The following KIAA1328 variants were observed in gnomAD, a reference collection of about 807,000 sequenced individuals.
KIAA1328 encodes the protein protein hinderin.
In KIAA1328, 52 loss-of-function variants were observed where a neutral mutation model predicts 68.1. The observed-to-expected ratio is 0.76, with a 90% CI of 0.61 to 0.96. The LOEUF (loss-of-function observed/expected upper bound fraction) is 0.96, where lower values mean the gene tolerates loss of function less well. Among genes scored for constraint, KIAA1328 ranks in the 40% least tolerant of loss-of-function variants. KIAA1328 has a pLI of 0.00. For missense variants in KIAA1328, 641 were observed against 677.6 expected (o/e 0.95, Z 0.60); for synonymous variants, 232 against 239.4 (o/e 0.97, Z 0.28).
intron 6 of KIAA1328, chr18:37,063,642 C>T (rs1181314765): frequency 1.0e-6 from 1 of 985,182 alleles, no homozygotes; most frequent in Non-Finnish European, 1.2e-6. Flanking sequence ...AGGTAATTGA[C>T]AGAGCATTGC....
chr18:37,070,693 C>T (rs954559336), intron 7 of KIAA1328, among the ~76,000 whole-genome samples: 1 of 151,702 alleles, frequency 6.6e-6, no homozygotes, highest in Non-Finnish European at 1.5e-5. Context: ...GCCTCAGCCT[C>T]CCGAATAGCT....
At chr18:36,928,462 G>C (rs2050199439) in intron 5 of KIAA1328, among the ~76,000 whole-genome samples, 2 of 152,154 alleles carry the variant, frequency 1.3e-5, no homozygotes, top group African/African-American at 2.4e-5. Context: ...GTGACACTTA[G>C]AACAGTGTCT....
intron 6 of KIAA1328, among the ~76,000 whole-genome samples, chr18:37,014,560 G>A (rs1254189353): frequency 6.6e-6 from 1 of 152,168 alleles, no homozygotes; most frequent in East Asian, 1.9e-4. Flanking sequence ...TGTACAGGAA[G>A]CATGGCAGGA....
intron 5 of KIAA1328, among the ~76,000 whole-genome samples, chr18:36,905,038 G>A (rs555482699): frequency 7.9e-5 from 12 of 151,340 alleles, no homozygotes; most frequent in South Asian, 6.3e-4. Flanking sequence ...TTTTATACCC[G>A]TATTTTATTT....
At chr18:37,140,897 G>A (rs531317866) in intron 7 of KIAA1328, among the ~76,000 whole-genome samples, 229 of 152,220 alleles carry the variant, frequency 1.5e-3, no homozygotes, top group Non-Finnish European at 2.4e-3. Context: ...CTGACAATTA[G>A]GTTTTGACTT....
chr18:37,217,471 T>A (rs889183605), intron 9 of KIAA1328, among the ~76,000 whole-genome samples: 5 of 152,224 alleles, frequency 3.3e-5, no homozygotes, highest in African/African-American at 1.2e-4. Flanking sequence ...AAAATTCTTT[T>A]CTTTAAGAAT....
intron 4 of KIAA1328, among the ~76,000 whole-genome samples, chr18:36,866,254 T>C (rs2150909748): frequency 6.6e-6 from 1 of 152,240 alleles, no homozygotes; most frequent in South Asian, 2.1e-4. Context: ...CACATGGATG[T>C]CCTTCTTCTC....
chr18:36,856,236 T>C (rs1345638638), intron 4 of KIAA1328, among the ~76,000 whole-genome samples: 2 of 152,076 alleles, frequency 1.3e-5, no homozygotes, highest in Non-Finnish European at 2.9e-5. Flanking sequence ...ATTTGGGAAG[T>C]TTTTTGGACA....
intron 6 of KIAA1328, among the ~76,000 whole-genome samples, chr18:37,044,798 CA>C (rs35937835): frequency 3.2e-3 from 257 of 80,742 alleles, no homozygotes; most frequent in East Asian, 5.4e-3. Flanking sequence ...GACTCCGGCT[CA>C]AAAAAAAAAA....
At chr18:36,882,802 G>A (rs1214296309) in intron 4 of KIAA1328, among the ~76,000 whole-genome samples, 1 of 152,152 alleles carries the variant, frequency 6.6e-6, no homozygotes, top group Non-Finnish European at 1.5e-5. Context: ...TTGGGCTCTA[G>A]AGATAATCTG....
intron 3 of KIAA1328, among the ~76,000 whole-genome samples, chr18:36,841,235 C>T (rs2046848120): frequency 6.6e-6 from 1 of 151,784 alleles, no homozygotes; most frequent in South Asian, 2.1e-4. Context: ...AGCAAGTTCC[C>T]TCTCTCTTTT....
chr18:36,956,400 C>T (rs972302989), intron 5 of KIAA1328, among the ~76,000 whole-genome samples: 15 of 152,054 alleles, frequency 9.9e-5, no homozygotes, highest in African/African-American at 2.9e-4. Context: ...TTCTGTCATT[C>T]GGCCAGGATT....
chr18:36,971,851 A>G (rs536540160), intron 6 of KIAA1328, among the ~76,000 whole-genome samples: 2 of 152,224 alleles, frequency 1.3e-5, no homozygotes, highest in South Asian at 2.1e-4. Flanking sequence ...ACTGAAGCCT[A>G]CTAAAAGGTA....
At chr18:36,950,091 A>C (rs1328285230) in intron 5 of KIAA1328, among the ~76,000 whole-genome samples, 1 of 152,182 alleles carries the variant, frequency 6.6e-6, no homozygotes, top group African/African-American at 2.4e-5. Context: ...TGCATATATT[A>C]TCAATGAGTC....
intron 6 of KIAA1328, among the ~76,000 whole-genome samples, chr18:36,976,680 A>G (rs1409742064): frequency 6.6e-6 from 1 of 151,918 alleles, no homozygotes; most frequent in East Asian, 1.9e-4. Context: ...ATTAATTAGA[A>G]TACTATATTC....
In KIAA1328 at chr18:37,225,304, TAATA is replaced by T. The variant is rs1433961435; in HGVS notation, c.*3081_*3084del. 1.0e-6 allele frequency: 1 copy of T among 985,286 alleles called. No individual in the cohort carries two copies. Among genetic ancestry groups the T allele is most frequent in the African/African-American group, 1.7e-5 (1 of 57,252 alleles). The allele number at this position is 985,286 out of a possible 1,614,324, so 61.0% of individuals were successfully genotyped here. A position where few individuals can be genotyped will look rare whatever the true frequency, so the allele number is the denominator to read the frequency against. On this transcript the variant is annotated 3_prime_UTR_variant, in exon 10 of 10. Transcript: ENST00000280020. ...TTTATGTACGTATGAGATTTCAAGT[TAATA>T]AATCATCTCTATGGCTATTTTCCCC...
intron 9 of KIAA1328, among the ~76,000 whole-genome samples, chr18:37,212,846 G>A (rs1415580073): frequency 3.9e-5 from 6 of 152,002 alleles, no homozygotes; most frequent in African/African-American, 1.5e-4. Context: ...TCAGCCTCCC[G>A]AGTAGCTGGG....
chr18:36,971,869 G>A (rs184882257), intron 6 of KIAA1328, among the ~76,000 whole-genome samples: 28 of 152,176 alleles, frequency 1.8e-4, no homozygotes, highest in African/African-American at 6.7e-4. Flanking sequence ...GTAAAGGGTG[G>A]GAGGAAGGAG....
intron 5 of KIAA1328, among the ~76,000 whole-genome samples, chr18:36,927,585 A>C (rs1001681882): frequency 6.9e-6 from 1 of 144,178 alleles, no homozygotes; most frequent in African/African-American, 2.4e-5. Context: ...CATCTCTACA[A>C]AAAAAAATTT....
Sources: allele counts gnomAD v4.1 joint callset (sites outside exome capture counted in the v4.1 genomes callset), GRCh38; gene constraint gnomAD v4.1.1; transcripts MANE v1.5; gene names NCBI Gene and HGNC (gene_info 2026-07-23, HGNC 2026-07-21).